The following ITSN2 variants were observed in gnomAD, a reference collection of about 807,000 sequenced individuals.
ITSN2 encodes the protein intersectin-2.
In ITSN2, 156 loss-of-function variants were observed where a neutral mutation model predicts 243.7. That is an observed-to-expected ratio of 0.64 (90% CI 0.56 to 0.73). The LOEUF (loss-of-function observed/expected upper bound fraction) is 0.73, where lower values mean the gene tolerates loss of function less well. Ranked by LOEUF, ITSN2 falls within the 30% of genes least tolerant of loss-of-function variation. ITSN2 has a pLI of 0.00. For missense variants in ITSN2, 1,801 were observed against 1,996.1 expected, an observed-to-expected ratio of 0.90 and a Z score of 1.86; for synonymous variants, 703 against 699.9, an observed-to-expected ratio of 1.00 and a Z score of -0.07.
At chr2:24,280,204 T>C (rs1229946785) in intron 17 of ITSN2, among the ~76,000 whole-genome samples, 1 of 152,230 alleles carries the variant, frequency 6.6e-6, no homozygotes, top group Non-Finnish European at 1.5e-5. Context: ...TGAAATATTT[T>C]ACTTCTGTTG....
intron 29 of ITSN2, among the ~76,000 whole-genome samples, chr2:24,222,171 G>A (rs1670522314): frequency 6.9e-6 from 1 of 145,120 alleles, no homozygotes; most frequent in East Asian, 2.1e-4. Context: ...AGAATGGTGT[G>A]AACCCAGGAG....
chr2:24,298,561 G>T, intron 13 of ITSN2, 104 bp downstream of exon 13: 2 of 1,082,660 alleles, frequency 1.8e-6, no homozygotes, highest in East Asian at 2.6e-5. Context: ...CTCCCAAAGT[G>T]CTAGGATAAC....
chr2:24,279,693 G>C (rs1185526786), intron 17 of ITSN2, among the ~76,000 whole-genome samples: 3 of 140,558 alleles, frequency 2.1e-5, no homozygotes, highest in Non-Finnish European at 4.7e-5. Flanking sequence ...AGGAGTTTTC[G>C]TTGCACTTCA....
Position 24,283,558 on chromosome 2 carries a change from CTG to C in ITSN2, c.1944+1203_1944+1204del, listed in dbSNP as rs577329359. Among the ~76,000 whole-genome samples, 453 of 152,310 alleles carry C rather than the reference CTG, an allele frequency of 3.0e-3. 7 individuals are homozygous for C. The highest frequency in any genetic ancestry group is 3.7e-3 in the Admixed American group (57 of 15,304). On this transcript the variant is annotated intron_variant, in intron 17 of 39. Transcript: ENST00000355123. ...TTTAGCACTATGTTAACTAATAACT[CTG>C]TATCATTTTCTAGTAACTACAGAAG...
chr2:24,306,411 C>T (rs563488934), intron 8 of ITSN2, among the ~76,000 whole-genome samples: 1 of 152,244 alleles, frequency 6.6e-6, no homozygotes, highest in East Asian at 1.9e-4. Flanking sequence ...TTTCTATCAC[C>T]ATTAATTAGG....
intron 31 of ITSN2, 67 bp downstream of exon 31, chr2:24,217,840 T>G: frequency 9.4e-7 from 1 of 1,061,604 alleles, no homozygotes; most frequent in Admixed American, 1.9e-5. Flanking sequence ...TTGCAGAGGG[T>G]TTTGTGTGAG....
chr2:24,327,064 T>G (rs367580033), intron 2 of ITSN2, among the ~76,000 whole-genome samples: 1 of 152,022 alleles, frequency 6.6e-6, no homozygotes, highest in South Asian at 2.1e-4. Flanking sequence ...CTGATATTTA[T>G]CTACAATTAG....
intron 20 of ITSN2, among the ~76,000 whole-genome samples, chr2:24,267,153 A>C (rs900671530): frequency 6.6e-6 from 1 of 151,984 alleles, no homozygotes; most frequent in African/African-American, 2.4e-5. Context: ...ACCAAACACC[A>C]CATGTTCTCA....
intron 8 of ITSN2, among the ~76,000 whole-genome samples, chr2:24,307,716 T>C (rs1682737746): frequency 6.6e-6 from 1 of 152,230 alleles, no homozygotes; most frequent in African/African-American, 2.4e-5. Context: ...TTACTGCTCG[T>C]TCCCTTGCCT....
chr2:24,342,325 G>A (rs1687120142), intron 1 of ITSN2, among the ~76,000 whole-genome samples: 1 of 151,710 alleles, frequency 6.6e-6, no homozygotes, highest in Admixed American at 6.6e-5. Context: ...AGCTTTTCAA[G>A]CGGCTGGGAC....
rs1158317035 is a variant in ITSN2 at position 24,210,956 on chromosome 2, G to A, written c.4090-9C>T. ...GGGGTGTTCTCCAGAATCTGGAAAA[G>A]AGTGGGCAGTGTCACATGGGGGAGC... On this transcript the variant is annotated splice_polypyrimidine_tract_variant and intron_variant, in intron 33 of 39. Transcript: ENST00000355123. 6.2e-7 allele frequency: 1 copy of A among 1,613,770 alleles called. No homozygotes were observed. The highest frequency in any genetic ancestry group is 1.7e-5 in the Admixed American group (1 of 59,998).
intron 11 of ITSN2, among the ~76,000 whole-genome samples, 168 bp downstream of exon 11, chr2:24,300,986 A>C (rs1483077380): frequency 6.6e-6 from 1 of 152,182 alleles, no homozygotes; most frequent in Non-Finnish European, 1.5e-5. Flanking sequence ...TCTCATTTTG[A>C]CCATCTTAAT....
chr2:24,245,983 T>C (rs577946260), intron 29 of ITSN2, 146 bp downstream of exon 29: 173 of 528,372 alleles, frequency 3.3e-4, no homozygotes, highest in Non-Finnish European at 5.3e-4. Context: ...TGTAAAAAGT[T>C]TCCTTTTGTT....
chr2:24,263,728 A>T (rs1676221696), intron 20 of ITSN2, among the ~76,000 whole-genome samples: 1 of 152,258 alleles, frequency 6.6e-6, no homozygotes, highest in South Asian at 2.1e-4. Flanking sequence ...CCATACAGTA[A>T]GAACAGTTTG....
rs1381586969 is a variant in ITSN2 at position 24,209,101 on chromosome 2, TCTC to T, written c.4591_4593del (p.Glu1531del). On this transcript the variant is annotated inframe_deletion and splice_region_variant, in exon 36 of 40. Coordinates refer to ENST00000355123, the MANE Select transcript of ITSN2 (RefSeq NM_006277.3). ...AGGCCACACATGGTCAGGACTGACC[TCTC>T]ATTAATGTTGTCTGTTCGGAGGGTG... is the stretch of plus-strand genomic sequence containing the variant. 6.2e-7 allele frequency: 1 copy of T among 1,614,018 alleles called. No homozygotes were observed.
chr2:24,256,389 A>G lies in ITSN2; in HGVS notation c.2888+1499T>C, dbSNP rs74668232. On this transcript the variant is annotated intron_variant, in intron 23 of 39. Coordinates refer to ENST00000355123, the MANE Select transcript of ITSN2 (RefSeq NM_006277.3). ...TCAATTAGAAAACTGAAGATTAAGTAGGTTATTCCTTACAGCCTGGCAAAA... is the reference window on the plus strand; with the variant it reads ...TCAATTAGAAAACTGAAGATTAAGTGGGTTATTCCTTACAGCCTGGCAAAA... 7.3e-3 allele frequency among the ~76,000 whole-genome samples: 1,109 copies of G among 152,342 alleles called. 8 individuals carry two copies. The highest frequency in any genetic ancestry group is 0.026 in the African/African-American group (1,068 of 41,580).
chr2:24,216,867 C>T (rs1044539941), intron 31 of ITSN2, among the ~76,000 whole-genome samples: 8 of 152,254 alleles, frequency 5.3e-5, no homozygotes, highest in South Asian at 2.1e-4. Context: ...GGGTGGATCA[C>T]GAGGTCAGGA....
At chr2:24,330,291 TAGAG>T (rs1685629530) in intron 1 of ITSN2, 1 of 384,620 alleles carries the variant, frequency 2.6e-6, no homozygotes, top group Non-Finnish European at 5.0e-6. Flanking sequence ...GAATGCCAAA[TAGAG>T]AGCAACGTGA....
At chr2:24,268,698 T>C (rs1211597943) in intron 20 of ITSN2, among the ~76,000 whole-genome samples, 4 of 152,100 alleles carry the variant, frequency 2.6e-5, no homozygotes, top group Non-Finnish European at 4.4e-5. Context: ...CATTAACCTG[T>C]TTCCTCTCTG....
Sources: allele counts gnomAD v4.1 joint callset (sites outside exome capture counted in the v4.1 genomes callset), GRCh38; gene constraint gnomAD v4.1.1; transcripts MANE v1.5; gene names NCBI Gene and HGNC (gene_info 2026-07-23, HGNC 2026-07-21).